Variants in COA1 observed in about 807,000 individuals in gnomAD.
The protein encoded by COA1 is cytochrome c oxidase assembly factor 1.
A neutral mutation model predicts 16.0 loss-of-function variants in COA1; 13 were observed. The ratio of observed to expected loss-of-function variants is 0.81; its 90% CI spans 0.53 to 1.29. COA1 has a LOEUF of 1.29. Ranked by LOEUF, COA1 falls within the 50% of genes most tolerant of loss-of-function variation. COA1 has a pLI of 0.00. For synonymous variants in COA1, 65 were observed against 65.7 expected, an observed-to-expected ratio of 0.99 and a Z score of 0.05; for missense variants, 179 against 177.0, an observed-to-expected ratio of 1.01 and a Z score of -0.06.
intron 4 of COA1, chr7:43,641,327 A>C (rs1303585483): frequency 4.6e-5 from 7 of 151,626 alleles, no homozygotes; most frequent in Admixed American, 4.6e-4. Flanking sequence ...AAAAAAAAAA[A>C]AAAAAACCAG....
intron 1 of COA1, among the ~76,000 whole-genome samples, chr7:43,700,565 TGTACAC>T (rs2094692747): frequency 6.8e-6 from 1 of 146,080 alleles, no homozygotes; most frequent in Non-Finnish European, 1.5e-5. Flanking sequence ...CGTATATATA[TGTACAC>T]ATATATACGT....
chr7:43,655,990 G>GC (rs2091652779), intron 1 of COA1: 1 of 152,246 alleles, frequency 6.6e-6, no homozygotes, highest in African/African-American at 2.4e-5. Flanking sequence ...GGGAGAAGAT[G>GC]CCCCACTGTT....
At chr7:43,662,929 G>T (rs566924069) in intron 1 of COA1, among the ~76,000 whole-genome samples, 1 of 152,290 alleles carries the variant, frequency 6.6e-6, no homozygotes, top group African/African-American at 2.4e-5. Context: ...TAAATCAAGT[G>T]CCATACCAGT....
At chr7:43,633,821 C>T (rs1467370376) in intron 6 of COA1, among the ~76,000 whole-genome samples, 2 of 151,360 alleles carry the variant, frequency 1.3e-5, no homozygotes, top group Non-Finnish European at 2.9e-5. Flanking sequence ...TTTTCAAATA[C>T]TTTTTCAGCC....
At chr7:43,620,108 T>C (rs944381528) in intron 6 of COA1, among the ~76,000 whole-genome samples, 5 of 152,176 alleles carry the variant, frequency 3.3e-5, no homozygotes, top group Non-Finnish European at 2.9e-5. Context: ...TGAGGCTCCA[T>C]AGAAGTGTGG....
chr7:43,613,868 T>C (rs2083099045), intron 6 of COA1, among the ~76,000 whole-genome samples: 1 of 152,134 alleles, frequency 6.6e-6, no homozygotes, highest in Admixed American at 6.5e-5. Flanking sequence ...AAAACATTAA[T>C]TTCTAAAAAT....
At chr7:43,618,949 C>A (rs892810446) in intron 6 of COA1, among the ~76,000 whole-genome samples, 4 of 152,002 alleles carry the variant, frequency 2.6e-5, no homozygotes, top group African/African-American at 9.7e-5. Flanking sequence ...AGCGAGAGAT[C>A]CTGAACAACA....
chr7:43,697,658 TG>T (rs2131268798), intron 1 of COA1, among the ~76,000 whole-genome samples: 1 of 152,348 alleles, frequency 6.6e-6, no homozygotes, highest in East Asian at 1.9e-4. Flanking sequence ...TTGAAATGAA[TG>T]GTAAAGCTGT....
At chr7:43,686,491 A>G in intron 1 of COA1, among the ~76,000 whole-genome samples, 1 of 151,958 alleles carries the variant, frequency 6.6e-6, no homozygotes, top group Non-Finnish European at 1.5e-5. Flanking sequence ...TATTTTTAGT[A>G]GAGACGGGGT....
chr7:43,720,701 G>T (rs2095489740), intron 1 of COA1, among the ~76,000 whole-genome samples: 5 of 152,182 alleles, frequency 3.3e-5, no homozygotes, highest in Admixed American at 3.3e-4. Flanking sequence ...AGGTCTTAAA[G>T]TGACCCTGGA....
At chr7:43,656,979 G>A (rs887418090) in intron 1 of COA1, among the ~76,000 whole-genome samples, 1 of 152,126 alleles carries the variant, frequency 6.6e-6, no homozygotes, top group Non-Finnish European at 1.5e-5. Flanking sequence ...AGGACTGTTT[G>A]AGTCCAGGAG....
intron 6 of COA1, among the ~76,000 whole-genome samples, chr7:43,610,219 T>G (rs948136139): frequency 6.6e-6 from 1 of 151,690 alleles, no homozygotes; most frequent in East Asian, 1.9e-4. Context: ...TGGTGGTGGG[T>G]GCCTGTAGTC....
At chr7:43,661,926 G>A (rs2092471606) in intron 1 of COA1, among the ~76,000 whole-genome samples, 1 of 152,188 alleles carries the variant, frequency 6.6e-6, no homozygotes, top group African/African-American at 2.4e-5. Flanking sequence ...ATAATAAAAT[G>A]TTTTACCATT....
chr7:43,720,931 G>A (rs1467819326), intron 1 of COA1, among the ~76,000 whole-genome samples: 1 of 152,166 alleles, frequency 6.6e-6, no homozygotes, highest in Non-Finnish European at 1.5e-5. Flanking sequence ...TCAGGATGCT[G>A]GCAATTAGAA....
In COA1 at chr7:43,680,799, T is replaced by C. The variant is rs970596287; in HGVS notation, c.-38-32147A>G. ...GCCTGGGCAACATGGCAAAACCCCA[T>C]CTCTACAAAAAATACAAAAGAATTA... On this transcript the variant is annotated intron_variant, in intron 1 of 5. Transcript: ENST00000223336. Among the ~76,000 whole-genome samples, 9 of 152,078 alleles carry C rather than the reference T, an allele frequency of 5.9e-5. No individual in the cohort carries two copies. In the East Asian group the frequency reaches 1.2e-3, roughly 20 times the overall value.
chr7:43,716,332 G>A (rs2095394401), intron 1 of COA1, among the ~76,000 whole-genome samples: 1 of 152,134 alleles, frequency 6.6e-6, no homozygotes. Context: ...TGAAGAGTAA[G>A]GTTCCAAGCT....
At chr7:43,645,495 G>GAAAC (rs2089006460) in intron 3 of COA1, 96 bp from the exon 4 acceptor site, 2 of 1,099,006 alleles carry the variant, frequency 1.8e-6, no homozygotes, top group Non-Finnish European at 2.7e-6. Context: ...GTACAGGGTA[G>GAAAC]AAACAGAAAC....
At chr7:43,705,773 A>G (rs2094946669) in intron 1 of COA1, among the ~76,000 whole-genome samples, 1 of 152,208 alleles carries the variant, frequency 6.6e-6, no homozygotes, top group East Asian at 1.9e-4. Context: ...TCAGATGTTC[A>G]TGAGAATCAT....
chr7:43,623,927 C>A, intron 6 of COA1: 2 of 1,300,388 alleles, frequency 1.5e-6, no homozygotes, highest in South Asian at 4.5e-5. Context: ...TGAACTAATT[C>A]AATATTAAAA....
Sources: gnomAD v4.1 joint callset for allele counts (sites outside exome capture counted in the v4.1 genomes callset) on GRCh38, gnomAD v4.1.1 for gene constraint, MANE v1.5 for transcripts, NCBI Gene and HGNC (gene_info 2026-07-23, HGNC 2026-07-21) for gene names.